Variants in CACNA1C observed in about 807,000 individuals in gnomAD.
CACNA1C encodes the protein voltage-dependent L-type calcium channel subunit alpha-1C.
CACNA1C carries 30 observed loss-of-function variants against 229.0 expected under a neutral mutation model. That is an observed-to-expected ratio of 0.13 (90% CI 0.10 to 0.18). CACNA1C has a LOEUF of 0.18. Ranked by LOEUF, CACNA1C falls within the 10% of genes least tolerant of loss-of-function variation. CACNA1C has a pLI of 1.00. For missense variants in CACNA1C, 1,658 were observed against 2,845.0 expected (o/e 0.58, Z 9.49); for synonymous variants, 1,114 against 1,132.5 (o/e 0.98, Z 0.33).
chr12:2,585,528 G>C lies in CACNA1C; in HGVS notation c.2460+32G>C. On this transcript the variant is annotated intron_variant, in intron 17 of 46. Coordinates refer to ENST00000399655, the MANE Select transcript of CACNA1C (RefSeq NM_000719.7). The surrounding 1 kb of genome is among the most constrained non-coding windows in gnomAD (Gnocchi z 4.1). ...AGCTGTCTCCTTCCTGGAGCTGTGA[G>C]GCCGGTGCTGGGGAGGGAGGGCCAC... 1 of 1,528,012 alleles carries C rather than the reference G, an allele frequency of 6.5e-7. No homozygotes were observed. The highest frequency in any genetic ancestry group is 2.4e-5 in the East Asian group (1 of 41,032). The allele number at this position is 1,528,012 out of a possible 1,614,324, so 94.7% of individuals were successfully genotyped here.
intron 5 of CACNA1C, among the ~76,000 whole-genome samples, chr12:2,459,039 G>A (rs1350780617): frequency 1.4e-5 from 2 of 138,056 alleles, no homozygotes; most frequent in Admixed American, 7.9e-5. Context: ...CTGGAGTACA[G>A]TGGCACAATC....
intron 3 of CACNA1C, among the ~76,000 whole-genome samples, chr12:2,252,999 C>T (rs906367276): frequency 2.6e-5 from 4 of 152,136 alleles, no homozygotes; most frequent in Admixed American, 2.6e-4. Context: ...GAGTTTCTAG[C>T]TCATGTTCCC....
At position 2,053,543 on chromosome 12, in the gene CACNA1C, A is replaced by AT. The variant is rs1216030847; in HGVS notation, c.-18dup. 6.3e-7 allele frequency: 1 copy of AT among 1,581,844 alleles called. No homozygotes were observed. Among genetic ancestry groups the AT allele is most frequent in the Admixed American group, 1.8e-5 (1 of 55,352 alleles). On this transcript the variant is annotated 5_prime_UTR_variant, in exon 1 of 47. Coordinates refer to ENST00000399655, the MANE Select transcript of CACNA1C (RefSeq NM_000719.7). This position sits in a 1 kb window ranked among gnomAD's most constrained non-coding sequence, Gnocchi z 5.8. ...CTTCCTCTTCGTGGCTGCTCCTCCT[A>AT]TTAAAACCATTTTTGGTCCATGGTC...
In CACNA1C at chr12:2,645,764, G is replaced by T. The variant is rs529632493; in HGVS notation, c.3913-2711G>T. ...AGTGGTTATTCATTTATGAGACCAC[G>T]GACCTTGTAAACAGCTCCTCATGTG... On this transcript the variant is annotated intron_variant, in intron 30 of 46. Transcript: ENST00000399655. 8.2e-4 allele frequency among the ~76,000 whole-genome samples: 125 copies of T among 152,292 alleles called. No homozygotes were observed. The South Asian group carries it at 0.011, about 13-fold the overall frequency.
intron 13 of CACNA1C, among the ~76,000 whole-genome samples, chr12:2,570,437 C>G (rs1054119632): frequency 1.3e-5 from 2 of 151,930 alleles, no homozygotes; most frequent in African/African-American, 4.8e-5. Context: ...TAAAGTGTTT[C>G]ATTTAGTGCA....
intron 9 of CACNA1C, among the ~76,000 whole-genome samples, chr12:2,531,751 C>T (rs1304294045): frequency 3.9e-5 from 6 of 152,170 alleles, no homozygotes; most frequent in Non-Finnish European, 8.8e-5. Flanking sequence ...CCCAGAGCCA[C>T]TACCCTGACA....
At chr12:2,159,095 ATTGAAAGCTTATTGTT>A (rs1289730673) in intron 3 of CACNA1C, among the ~76,000 whole-genome samples, 2 of 152,170 alleles carry the variant, frequency 1.3e-5, no homozygotes, top group African/African-American at 4.8e-5. Flanking sequence ...CAGCTAAGGA[ATTGAAAGCTTATTGTT>A]GTTGAGGGGC....
At chr12:2,572,396 TTCTC>T (rs1568496797) in intron 13 of CACNA1C, among the ~76,000 whole-genome samples, 1 of 13,830 alleles carries the variant, frequency 7.2e-5, no homozygotes. Flanking sequence ...CTCCTCCTTC[TTCTC>T]TTCCTCCTCC....
intron 3 of CACNA1C, among the ~76,000 whole-genome samples, chr12:2,424,530 G>A (rs1423607509): frequency 6.6e-6 from 1 of 152,214 alleles, no homozygotes; most frequent in Non-Finnish European, 1.5e-5. Context: ...ACAGGGAGAT[G>A]GAGAGCATTA....
intron 3 of CACNA1C, among the ~76,000 whole-genome samples, chr12:2,337,606 G>C (rs1310759377): frequency 6.6e-6 from 1 of 152,238 alleles, no homozygotes; most frequent in East Asian, 1.9e-4. Flanking sequence ...GCTGAACTAA[G>C]CTGCTGACAA....
rs894908257 is a variant in CACNA1C, at chr12:2,029,058, T to C, written c.139+57857T>C. Among the ~76,000 whole-genome samples the C allele has an allele frequency of 3.9e-5, 6 of 152,114 alleles. No homozygotes were observed. Among genetic ancestry groups the C allele is most frequent in the Non-Finnish European group, 7.4e-5 (5 of 68,024 alleles). ...GAGGAGTAATAGGATCATAGACCAT[T>C]TGGACTGGAGGCATGTCTTATGTTA... On this transcript the variant is annotated intron_variant, in intron 1 of 46. Coordinates refer to the CACNA1C transcript ENST00000682462. This position sits in a 1 kb window ranked among gnomAD's most constrained non-coding sequence, Gnocchi z 4.9.
At position 2,245,643 on chromosome 12, in the gene CACNA1C, T is replaced by A. The variant is rs192239097; in HGVS notation, c.477+125213T>A. Among the ~76,000 whole-genome samples, 12 of 152,340 alleles carry A rather than the reference T, an allele frequency of 7.9e-5. No homozygotes were observed. In the East Asian group the frequency reaches 2.1e-3, roughly 27 times the overall value. On this transcript the variant is annotated intron_variant, in intron 3 of 46. Coordinates refer to ENST00000399655, the MANE Select transcript of CACNA1C (RefSeq NM_000719.7). ...CAGATCCATAGCCATTTCTCTGTAATTCTGAAATCCCCAAGTCTCTGAAAA... is the reference window on the plus strand; with the variant it reads ...CAGATCCATAGCCATTTCTCTGTAAATCTGAAATCCCCAAGTCTCTGAAAA...
At chr12:2,044,683 T>C (rs2050766799) in intron 1 of CACNA1C, among the ~76,000 whole-genome samples, 1 of 152,228 alleles carries the variant, frequency 6.6e-6, no homozygotes, top group Non-Finnish European at 1.5e-5. Context: ...AAAAGATCCT[T>C]GGAATCTACA....
intron 3 of CACNA1C, among the ~76,000 whole-genome samples, chr12:2,237,410 G>A (rs1161463919): frequency 6.6e-6 from 1 of 152,212 alleles, no homozygotes; most frequent in Non-Finnish European, 1.5e-5. Flanking sequence ...GTGGAGCTGA[G>A]AGAAAATAAA....
chr12:2,224,212 G>A (rs1461193324), intron 3 of CACNA1C, among the ~76,000 whole-genome samples: 1 of 152,140 alleles, frequency 6.6e-6, no homozygotes, highest in Non-Finnish European at 1.5e-5. Flanking sequence ...CAACAACTGG[G>A]AGCTGGGAAA....
rs1403962193 is a variant in CACNA1C, at chr12:2,285,142, ACT to A, written c.478-163831_478-163830del. ...CACACCTTGCTCCCTCTGTAGAAAC[ACT>A]CTGTTTCTCTCCATTCCATCCCTGC... is the stretch of plus-strand genomic sequence containing the variant. On this transcript the variant is annotated intron_variant, in intron 3 of 46. Coordinates refer to ENST00000399655, the MANE Select transcript of CACNA1C (RefSeq NM_000719.7). This position sits in a 1 kb window ranked among gnomAD's most constrained non-coding sequence, Gnocchi z 4.2. 6.6e-6 allele frequency among the ~76,000 whole-genome samples: 1 copy of A among 151,644 alleles called. No homozygotes were observed. The highest frequency in any genetic ancestry group is 1.5e-5 in the Non-Finnish European group (1 of 67,924).
At chr12:2,383,409 C>T (rs573886490) in intron 3 of CACNA1C, among the ~76,000 whole-genome samples, 6 of 152,202 alleles carry the variant, frequency 3.9e-5, no homozygotes, top group African/African-American at 1.4e-4. Context: ...AGCTGTAGTT[C>T]GTTGGGTGGC....
intron 3 of CACNA1C, among the ~76,000 whole-genome samples, chr12:2,381,537 C>T (rs1358654480): frequency 6.6e-6 from 1 of 152,182 alleles, no homozygotes; most frequent in East Asian, 1.9e-4. Flanking sequence ...CTGGTGTTCC[C>T]ACCTCATCTG....
intron 30 of CACNA1C, among the ~76,000 whole-genome samples, chr12:2,643,357 T>C (rs10848679): frequency 0.68 from 103,618 of 151,570 alleles, 37,527 homozygotes; most frequent in East Asian, 0.8. Flanking sequence ...GCTCAGTTCT[T>C]CTCCTCCATC....
Sources: allele counts gnomAD v4.1 joint callset (sites outside exome capture counted in the v4.1 genomes callset), GRCh38; gene constraint gnomAD v4.1.1; non-coding constraint Gnocchi (gnomAD v3.1); transcripts MANE v1.5; gene names NCBI Gene and HGNC (gene_info 2026-07-23, HGNC 2026-07-21).